PHF20: variants seen among roughly 807,000 people sequenced by gnomAD.
PHF20 encodes the protein PHD finger protein 20.
PHF20 carries 23 observed loss-of-function variants against 113.5 expected under a neutral mutation model. The observed-to-expected ratio is 0.20, with a 90% confidence interval of 0.15 to 0.29. The LOEUF (loss-of-function observed/expected upper bound fraction) is 0.29, where lower values mean the gene tolerates loss of function less well. PHF20 is among the 10% of genes least tolerant of loss of function. The probability of loss-of-function intolerance (pLI) is 1.00; values close to 1 mark genes in which losing one functional copy is unlikely to be tolerated. For missense variants in PHF20, 943 were observed against 1,219.6 expected (o/e 0.77, Z 3.38); for synonymous variants, 434 against 457.3 (o/e 0.95, Z 0.65).
chr20:35,817,201 A>G (rs1038864176), intron 2 of PHF20, among the ~76,000 whole-genome samples: 1 of 149,122 alleles, frequency 6.7e-6, no homozygotes, highest in Admixed American at 6.7e-5. Context: ...TTATTTATTT[A>G]TTTGAGACAG....
In PHF20 at chr20:35,894,957, T is replaced by C. The variant is rs537068482; in HGVS notation, c.1283-4413T>C. Among the ~76,000 whole-genome samples the C allele has an allele frequency of 9.9e-5, 15 of 152,198 alleles. No homozygotes were observed. In the South Asian group the frequency reaches 2.5e-3, roughly 25 times the overall value. Reference sequence around the variant, plus strand: ...TGCGATCTCGACCTCCTGGTTCAAGTGATTCTCCTGCCTCGGCCTCCTGAG... The same window carrying C: ...TGCGATCTCGACCTCCTGGTTCAAGCGATTCTCCTGCCTCGGCCTCCTGAG... On this transcript the variant is annotated intron_variant, in intron 9 of 17. Transcript: ENST00000374012.
chr20:35,779,116 A>AG (rs1229264066), intron 1 of PHF20, among the ~76,000 whole-genome samples: 3 of 151,588 alleles, frequency 2.0e-5, no homozygotes, highest in Non-Finnish European at 4.4e-5. Context: ...GCTCACTGCA[A>AG]CCTCTGCCTC....
chr20:35,817,721 G>T (rs906944649), intron 2 of PHF20, among the ~76,000 whole-genome samples: 1 of 152,032 alleles, frequency 6.6e-6, no homozygotes, highest in Non-Finnish European at 1.5e-5. Flanking sequence ...CTTTGAGCCC[G>T]GGAAGCGGAG....
At chr20:35,820,321 G>A (rs1303320439) in intron 2 of PHF20, among the ~76,000 whole-genome samples, 1 of 152,124 alleles carries the variant, frequency 6.6e-6, no homozygotes, top group Non-Finnish European at 1.5e-5. Flanking sequence ...TGGTGATTAG[G>A]ACAGACATAG....
At chr20:35,856,747 C>G (rs1424782840) in intron 4 of PHF20, among the ~76,000 whole-genome samples, 1 of 152,174 alleles carries the variant, frequency 6.6e-6, no homozygotes, top group Non-Finnish European at 1.5e-5. Flanking sequence ...GAGCCAGGCA[C>G]TTAAAGATCA....
chr20:35,922,150 A>G (rs2055529868), intron 13 of PHF20, among the ~76,000 whole-genome samples: 1 of 152,162 alleles, frequency 6.6e-6, no homozygotes, highest in Admixed American at 6.5e-5. Flanking sequence ...TTGTGTCTCA[A>G]GCTCACTTCA....
chr20:35,794,696 T>C (rs1012320191), intron 1 of PHF20, among the ~76,000 whole-genome samples: 2 of 152,276 alleles, frequency 1.3e-5, no homozygotes, highest in East Asian at 1.9e-4. Flanking sequence ...TATTTCCCTC[T>C]ACTCCTGTCC....
At chr20:35,845,457 T>C in intron 3 of PHF20, 1 of 345,648 alleles carries the variant, frequency 2.9e-6, no homozygotes, top group Non-Finnish European at 6.1e-6. Context: ...CCTTGACCTC[T>C]TGGGCTCAAG....
Position 35,876,622 on chromosome 20 carries a change from T to C in PHF20, c.1282+4793T>C, listed in dbSNP as rs538848584. The stretch of plus-strand genomic sequence containing the variant: ...ACGAATGCAGTTGTGACTGTTGTAA[T>C]TGGGCAAGCATTCATTTATGCAGTA... On this transcript the variant is annotated intron_variant, in intron 9 of 17. Coordinates refer to ENST00000374012, the MANE Select transcript of PHF20 (RefSeq NM_016436.5). Among the ~76,000 whole-genome samples the C allele has an allele frequency of 1.4e-4, 22 of 152,174 alleles. No homozygotes were observed. The South Asian group carries it at 3.7e-3, about 26-fold the overall frequency.
At chr20:35,778,432 C>T (rs1265736432) in intron 1 of PHF20, among the ~76,000 whole-genome samples, 1 of 152,144 alleles carries the variant, frequency 6.6e-6, no homozygotes, top group Non-Finnish European at 1.5e-5. Context: ...CTGCCCCTTA[C>T]AGGCTATTGA....
chr20:35,942,712 G>C (rs769381769), intron 17 of PHF20, among the ~76,000 whole-genome samples: 1 of 152,078 alleles, frequency 6.6e-6, no homozygotes, highest in Non-Finnish European at 1.5e-5. Flanking sequence ...AAATGATAAA[G>C]CTTAAAGATT....
intron 3 of PHF20, among the ~76,000 whole-genome samples, chr20:35,846,728 C>T (rs1044992064): frequency 6.6e-6 from 1 of 152,102 alleles, no homozygotes; most frequent in Admixed American, 6.6e-5. Context: ...CCTGCCCAGA[C>T]CTCTTGGGCT....
chr20:35,813,228 C>T (rs1455599885), intron 2 of PHF20, among the ~76,000 whole-genome samples: 1 of 152,174 alleles, frequency 6.6e-6, no homozygotes. Context: ...TCTCGGCCTC[C>T]CAAAGTGCTG....
intron 2 of PHF20, among the ~76,000 whole-genome samples, chr20:35,814,872 C>CAAAAAAA (rs761940820): frequency 9.6e-5 from 5 of 52,220 alleles, no homozygotes; most frequent in Middle Eastern, 0.013. Flanking sequence ...GACTCCGTCT[C>CAAAAAAA]AAAAAAAAAA....
chr20:35,913,127 C>CAAA, intron 10 of PHF20, 122 bp from the exon 11 acceptor site: 1 of 563,730 alleles, frequency 1.8e-6, no homozygotes. Context: ...CAGACTGGAG[C>CAAA]AATCTGCTCC....
chr20:35,778,480 T>TGG (rs1210870253), intron 1 of PHF20, among the ~76,000 whole-genome samples: 1 of 152,212 alleles, frequency 6.6e-6, no homozygotes, highest in East Asian at 1.9e-4. Flanking sequence ...ACAGGCACTG[T>TGG]GGCTCACGCC....
chr20:35,834,306 G>A (rs2042403851), intron 2 of PHF20, among the ~76,000 whole-genome samples: 1 of 142,542 alleles, frequency 7.0e-6, no homozygotes, highest in Non-Finnish European at 1.5e-5. Context: ...AGTCTGGAGT[G>A]CAGTGGTGCG....
At chr20:35,795,437 A>G (rs1331567466) in intron 1 of PHF20, among the ~76,000 whole-genome samples, 2 of 151,930 alleles carry the variant, frequency 1.3e-5, no homozygotes, top group Admixed American at 6.6e-5. Flanking sequence ...GGGTTTCACC[A>G]CATTGGCCAG....
chr20:35,922,795 C>T (rs1292470846), intron 13 of PHF20, among the ~76,000 whole-genome samples: 1 of 152,168 alleles, frequency 6.6e-6, no homozygotes, highest in Non-Finnish European at 1.5e-5. Flanking sequence ...CTTCTTTGAG[C>T]AGCTGTAGGC....
Sources: allele counts gnomAD v4.1 joint callset (sites outside exome capture counted in the v4.1 genomes callset), GRCh38; gene constraint gnomAD v4.1.1; transcripts MANE v1.5; gene names NCBI Gene and HGNC (gene_info 2026-07-23, HGNC 2026-07-21).